COPA: variants seen among roughly 807,000 people sequenced by gnomAD.
The protein encoded by COPA is coatomer subunit alpha.
COPA carries 10 observed loss-of-function variants against 158.7 expected under a neutral mutation model. That is an observed-to-expected ratio of 0.06 (90% CI 0.04 to 0.11). The LOEUF (loss-of-function observed/expected upper bound fraction) is 0.11. Among genes scored for constraint, COPA ranks in the 10% least tolerant of loss-of-function variants. The pLI is 1.00. For missense variants in COPA, 1,065 were observed against 1,536.7 expected (o/e 0.69, Z 5.13); for synonymous variants, 462 against 542.8 (o/e 0.85, Z 2.07).
At position 160,333,574 on chromosome 1, in the gene COPA, CT is replaced by C. The variant is rs1489216036; in HGVS notation, c.386+28del. On this transcript the variant is annotated intron_variant, in intron 5 of 32. Coordinates refer to ENST00000241704, the MANE Select transcript of COPA (RefSeq NM_004371.4). ...TGAAAAACTAGGAAAAATGAAGACT[CT>C]TTTCGAGCCCTCTGCCTCCTGCTTT... 3.2e-6 allele frequency: 5 copies of C among 1,548,220 alleles called. No individual in the cohort carries two copies. The Admixed American group carries it at 5.2e-5, about 16-fold the overall frequency.
At chr1:160,339,643 A>T in intron 3 of COPA, 1 of 380,792 alleles carries the variant, frequency 2.6e-6, no homozygotes, top group Non-Finnish European at 4.9e-6. Context: ...TATTACTTGG[A>T]TATATGTTTA....
Position 160,311,912 on chromosome 1 carries a change from C to T in COPA, c.1032G>A (p.Leu344=). 1 of 1,614,008 alleles carries T rather than the reference C, an allele frequency of 6.2e-7. No homozygotes were observed. Among genetic ancestry groups the T allele is most frequent in the East Asian group, 2.2e-5 (1 of 44,878 alleles). Residue 344 remains leucine (L), a synonymous_variant, in exon 11 of 33, where the codon CTG becomes CTA. Coordinates refer to ENST00000241704, the MANE Select transcript of COPA (RefSeq NM_004371.4). The part of the protein sequence containing the change: ...HYVKDRFLRQ[L]DFNSSKDVAV... ...CTACATCTTTGGAGCTGTTGAAATC[C>T]AGCTGTCGTAAGAATCGGTCCTTGA... is the stretch of plus-strand genomic sequence containing the variant.
At chr1:160,338,495 T>C (rs1647882887) in intron 3 of COPA, among the ~76,000 whole-genome samples, 1 of 152,226 alleles carries the variant, frequency 6.6e-6, no homozygotes, top group African/African-American at 2.4e-5. Flanking sequence ...GTTTGACACA[T>C]AGACTTAATG....
At position 160,294,832 on chromosome 1, in the gene COPA, G is replaced by A; in HGVS notation, c.2502C>T (p.Asp834=). The A allele has an allele frequency of 1.2e-6, 2 of 1,614,060 alleles. No individual in the cohort carries two copies. The highest frequency in any genetic ancestry group is 2.2e-5 in the South Asian group (2 of 91,076). The change falls in exon 24 of 33, where the codon GAC becomes GAT. Residue 834 remains aspartate, a synonymous_variant. Transcript: ENST00000241704. ...CTGTACCAACAGTGTCAATGTCAAT[G>A]TCAGCAGCCAGTGCTCCTCCCTTCC... ...SKGKGGALAA[D]IDIDTVGTEG... is the part of the protein sequence containing the mutation.
intron 7 of COPA, among the ~76,000 whole-genome samples, chr1:160,323,894 C>G (rs1373618633): frequency 1.3e-5 from 2 of 152,170 alleles, no homozygotes; most frequent in Non-Finnish European, 2.9e-5. Context: ...CGGAGTCTCG[C>G]TCTGTCACCC....
intron 3 of COPA, among the ~76,000 whole-genome samples, chr1:160,336,757 C>T (rs1385995268): frequency 6.6e-6 from 1 of 151,914 alleles, no homozygotes; most frequent in African/African-American, 2.4e-5. Context: ...TCAATCTGGG[C>T]CAGCTTGTTA....
chr1:160,328,837 G>T (rs901271026), intron 6 of COPA, among the ~76,000 whole-genome samples: 1 of 152,040 alleles, frequency 6.6e-6, no homozygotes, highest in Non-Finnish European at 1.5e-5. Context: ...AGCCCTGTGG[G>T]GTTCAATCCC....
At position 160,293,773 on chromosome 1, in the gene COPA, G is replaced by A. The variant is rs371527233; in HGVS notation, c.2677-310C>T. Among the ~76,000 whole-genome samples, 12 of 152,226 alleles carry A rather than the reference G, an allele frequency of 7.9e-5. No individual in the cohort carries two copies. In the East Asian group the frequency reaches 1.4e-3, roughly 17 times the overall value. ...AGCCTCCCAAAGTGCTAGCATTACA[G>A]GCGTGAGCCACTGTGCCCAGCCAAA... On this transcript the variant is annotated intron_variant, in intron 25 of 32. Transcript: ENST00000241704.
rs146707881 is a variant in COPA, at chr1:160,317,799, C to T, written c.707-3674G>A. 2.7e-3 allele frequency: 2,157 copies of T among 812,388 alleles called. 36 individuals are homozygous for T. The African/African-American group carries it at 0.031, about 12-fold the overall frequency. The allele number at this position is 812,388 out of a possible 1,614,324, so 50.3% of individuals were successfully genotyped here. ...GTGGTGTTAAAAACGGAATTGAAAACTGGCACCCCATCTCTTTGAAACATC... is the reference window on the plus strand; with the variant it reads ...GTGGTGTTAAAAACGGAATTGAAAATTGGCACCCCATCTCTTTGAAACATC... On this transcript the variant is annotated intron_variant, in intron 8 of 32. Transcript: ENST00000241704.
chr1:160,295,813 G>A lies in COPA; in HGVS notation c.2399C>T (p.Pro800Leu). Residue 800 changes from proline to leucine, a missense_variant, in exon 23 of 33, where the codon CCT becomes CTT. By Grantham distance (98) the Pro-to-Leu change is moderately conservative (BLOSUM62 -3). Transcript: ENST00000241704. ...CCAATTGGTATCCAATGGCATGATA[G>A]GTGCAGGTGGCTGGAGCAGCTTGGC... ...PNAKLLQPPAPIMPLDTNWPL... is the reference protein window; with the variant it reads ...PNAKLLQPPALIMPLDTNWPL... The A allele has an allele frequency of 1.2e-6, 2 of 1,613,194 alleles. No homozygotes were observed.
Position 160,297,448 on chromosome 1 carries a change from G to C in COPA, c.2168-10C>G. 1 of 1,613,860 alleles carries C rather than the reference G, an allele frequency of 6.2e-7. No individual in the cohort carries two copies. Among genetic ancestry groups the C allele is most frequent in the South Asian group, 1.1e-5 (1 of 91,048 alleles). ...TCCTTTCTGATCTCAGCTGCACCAA[G>C]TAAGAGACACCAAGTTAGGTCTTTT... is the stretch of plus-strand genomic sequence containing the variant. On this transcript the variant is annotated splice_polypyrimidine_tract_variant and intron_variant, in intron 20 of 32. Transcript: ENST00000241704.
At chr1:160,324,557 C>T (rs1659433341) in intron 7 of COPA, among the ~76,000 whole-genome samples, 1 of 151,364 alleles carries the variant, frequency 6.6e-6, no homozygotes, top group African/African-American at 2.4e-5. Context: ...CTCGGTCTCC[C>T]AAAGTGCTGA....
In COPA at chr1:160,321,441, CAACCA is replaced by C. The variant is rs1280182149; in HGVS notation, c.706+1985_706+1989del. Among the ~76,000 whole-genome samples the C allele has an allele frequency of 3.3e-5, 5 of 152,292 alleles. No homozygotes were observed. The South Asian group carries it at 1.0e-3, about 32-fold the overall frequency. On this transcript the variant is annotated intron_variant, in intron 8 of 32. Coordinates refer to ENST00000241704, the MANE Select transcript of COPA (RefSeq NM_004371.4). ...CATATACTTAGAAAAACCTAAGACT[CAACCA>C]AAATGATAAATTCAGTCCAGCTGCG...
At position 160,292,615 on chromosome 1, in the gene COPA, A is replaced by T; in HGVS notation, c.2829T>A (p.Leu943=). ...AGSFETAMRL[L]HDQVGVIQFG... ...ACTGGATTACCCCTACTTGGTCATGAAGGAGCTGGAACAGAAGGAAAGAAA... is the reference window on the plus strand; with the variant it reads ...ACTGGATTACCCCTACTTGGTCATGTAGGAGCTGGAACAGAAGGAAAGAAA... The change falls in exon 28 of 33, where the codon CTT becomes CTA. Residue 943 remains leucine (L), a synonymous_variant. Transcript: ENST00000241704. 1 of 1,599,304 alleles carries T rather than the reference A, an allele frequency of 6.3e-7. No homozygotes were observed.
Position 160,295,868 on chromosome 1 carries a change from TAGA to T in COPA, c.2353-12_2353-10del. ...GGGTCAATGTCTGGGATCTGAATAG[TAGA>T]AGAAAAGAGGCTAAAAACAAATAGC... On this transcript the variant is annotated splice_polypyrimidine_tract_variant and intron_variant, in intron 22 of 32. Coordinates refer to ENST00000241704, the MANE Select transcript of COPA (RefSeq NM_004371.4). 1.3e-6 allele frequency: 2 copies of T among 1,597,870 alleles called. No homozygotes were observed. Among genetic ancestry groups the T allele is most frequent in the South Asian group, 2.3e-5 (2 of 87,784 alleles).
intron 1 of COPA, among the ~76,000 whole-genome samples, chr1:160,342,168 G>A (rs2101883255): frequency 6.6e-6 from 1 of 152,264 alleles, no homozygotes; most frequent in Middle Eastern, 3.4e-3. Flanking sequence ...CGATTTTACA[G>A]ATGAGGAAAT....
chr1:160,333,720 A>T, intron 4 of COPA, 41 bp from the exon 5 acceptor site: 1 of 1,478,494 alleles, frequency 6.8e-7, no homozygotes, highest in East Asian at 2.3e-5. Context: ...CATTAAACAA[A>T]TCTGTTCTAT....
intron 8 of COPA, among the ~76,000 whole-genome samples, chr1:160,321,146 C>T (rs189909152): frequency 6.6e-6 from 1 of 152,220 alleles, no homozygotes; most frequent in African/African-American, 2.4e-5. Context: ...AATTCAACAT[C>T]CCTTTATAAC....
intron 30 of COPA, 110 bp from the exon 31 acceptor site, chr1:160,291,606 C>T: frequency 1.5e-6 from 2 of 1,361,824 alleles, no homozygotes; most frequent in Non-Finnish European, 2.0e-6. Context: ...GGATGATGGG[C>T]TATAAAGCTG....
Sources: gnomAD v4.1 joint callset for allele counts (sites outside exome capture counted in the v4.1 genomes callset) on GRCh38, gnomAD v4.1.1 for gene constraint, MANE v1.5 for transcripts, NCBI Gene and HGNC (gene_info 2026-07-23, HGNC 2026-07-21) for gene names.